The following PALM2AKAP2 variants were observed in gnomAD, a reference collection of about 807,000 sequenced individuals.
The protein encoded by PALM2AKAP2 is PALM2-AKAP2 fusion protein.
PALM2AKAP2 carries 37 observed loss-of-function variants against 71.5 expected under a neutral mutation model. The ratio of observed to expected loss-of-function variants is 0.52; its 90% CI spans 0.40 to 0.68. PALM2AKAP2 has a LOEUF of 0.68. PALM2AKAP2 is among the 30% of genes least tolerant of loss of function. The probability of loss-of-function intolerance (pLI) is 0.00; values close to 1 mark genes in which losing one functional copy is unlikely to be tolerated. For missense variants in PALM2AKAP2, 1,224 were observed against 1,191.8 expected (o/e 1.03, Z -0.40); for synonymous variants, 468 against 478.8 (o/e 0.98, Z 0.29).
intron 1 of PALM2AKAP2, among the ~76,000 whole-genome samples, chr9:109,740,810 C>T (rs1317970642): frequency 6.6e-6 from 1 of 152,152 alleles, no homozygotes; most frequent in Non-Finnish European, 1.5e-5. Flanking sequence ...TGTGCCACCA[C>T]ACCCAGCTAA....
intron 1 of PALM2AKAP2, among the ~76,000 whole-genome samples, chr9:109,844,989 G>A (rs776768916): frequency 2.0e-4 from 30 of 149,412 alleles, no homozygotes; most frequent in African/African-American, 4.7e-4. Flanking sequence ...ACGCACACAC[G>A]CTCTGGTAGG....
chr9:109,658,188 G>A (rs1352552930), intron 1 of PALM2AKAP2, among the ~76,000 whole-genome samples: 1 of 152,094 alleles, frequency 6.6e-6, no homozygotes, highest in Non-Finnish European at 1.5e-5. Context: ...GGCTGTATGA[G>A]TCTTGTGTTC....
chr9:109,759,584 A>G (rs1829019523), intron 1 of PALM2AKAP2, among the ~76,000 whole-genome samples: 1 of 152,064 alleles, frequency 6.6e-6, no homozygotes, highest in Non-Finnish European at 1.5e-5. Context: ...AAGCAAACAA[A>G]CAACAACAAC....
intron 1 of PALM2AKAP2, among the ~76,000 whole-genome samples, chr9:109,641,661 A>C (rs1248450407): frequency 6.6e-6 from 1 of 151,978 alleles, no homozygotes; most frequent in Non-Finnish European, 1.5e-5. Flanking sequence ...ACAGCCAGCC[A>C]CTCCAAGGAA....
chr9:110,109,033 A>G (rs1835178748), intron 1 of PALM2AKAP2, among the ~76,000 whole-genome samples: 1 of 151,870 alleles, frequency 6.6e-6, no homozygotes, highest in Non-Finnish European at 1.5e-5. Context: ...AACTTCAGAA[A>G]CCGGTCCGGC....
chr9:110,009,219 A>G (rs571280250), intron 6 of PALM2AKAP2, among the ~76,000 whole-genome samples: 1 of 151,928 alleles, frequency 6.6e-6, no homozygotes, highest in South Asian at 2.1e-4. Flanking sequence ...GTGTCCTTCC[A>G]TGCGTGCCAC....
chr9:110,043,813 T>C (rs1470220722), upstream of PALM2AKAP2, among the ~76,000 whole-genome samples: 1 of 143,842 alleles, frequency 7.0e-6, no homozygotes, highest in Non-Finnish European at 1.5e-5. Context: ...CTTGACCTCC[T>C]GGGTCCAAGC....
At chr9:109,655,924 A>G (rs1203301379) in intron 1 of PALM2AKAP2, among the ~76,000 whole-genome samples, 1 of 152,130 alleles carries the variant, frequency 6.6e-6, no homozygotes, top group African/African-American at 2.4e-5. Flanking sequence ...TTTGAGCTTT[A>G]TATTCTTTTG....
intron 1 of PALM2AKAP2, among the ~76,000 whole-genome samples, chr9:110,074,645 A>G (rs1834280133): frequency 1.3e-5 from 2 of 152,176 alleles, no homozygotes; most frequent in African/African-American, 4.8e-5. Context: ...AATTATAAAC[A>G]CACACACGCA....
At chr9:109,998,333 G>T (rs1832612615) in intron 6 of PALM2AKAP2, among the ~76,000 whole-genome samples, 1 of 152,100 alleles carries the variant, frequency 6.6e-6, no homozygotes, top group African/African-American at 2.4e-5. Flanking sequence ...AAACCCAAAA[G>T]GCCGGGCTCC....
chr9:110,049,668 A>G (rs981352047), intron 1 of PALM2AKAP2, among the ~76,000 whole-genome samples: 14 of 152,146 alleles, frequency 9.2e-5, no homozygotes, highest in African/African-American at 2.7e-4. Flanking sequence ...GGCAAGCCGT[A>G]CCTGTAATGT....
chr9:110,013,443 G>A (rs1832919924), intron 6 of PALM2AKAP2, among the ~76,000 whole-genome samples: 1 of 152,206 alleles, frequency 6.6e-6, no homozygotes, highest in African/African-American at 2.4e-5. Context: ...CTTAAAGCAG[G>A]AGGGGTTATT....
At chr9:109,766,108 G>A (rs1829148962) in intron 1 of PALM2AKAP2, among the ~76,000 whole-genome samples, 1 of 152,192 alleles carries the variant, frequency 6.6e-6, no homozygotes, top group Admixed American at 6.5e-5. Flanking sequence ...CTTCCCTACT[G>A]TCTGGGGAGT....
At chr9:109,931,613 C>T (rs1831103827) in intron 5 of PALM2AKAP2, among the ~76,000 whole-genome samples, 1 of 152,206 alleles carries the variant, frequency 6.6e-6, no homozygotes, top group South Asian at 2.1e-4. Flanking sequence ...TAATGGCTCC[C>T]ACAAGCCCAT....
At chr9:109,687,232 C>T (rs187119000) in intron 1 of PALM2AKAP2, among the ~76,000 whole-genome samples, 1 of 152,040 alleles carries the variant, frequency 6.6e-6, no homozygotes, top group Admixed American at 6.6e-5. Flanking sequence ...CTATATTAGC[C>T]CCCAAAAAGA....
intron 1 of PALM2AKAP2, among the ~76,000 whole-genome samples, chr9:109,709,131 A>G (rs1185687240): frequency 6.6e-6 from 1 of 152,210 alleles, no homozygotes; most frequent in East Asian, 1.9e-4. Flanking sequence ...GAATCCAAAC[A>G]GATCCTGGCC....
At chr9:109,746,801 A>G (rs959639274) in intron 1 of PALM2AKAP2, among the ~76,000 whole-genome samples, 17 of 152,218 alleles carry the variant, frequency 1.1e-4, no homozygotes, top group Non-Finnish European at 1.9e-4. Flanking sequence ...GGAGACTAAG[A>G]AACTTGCCCA....
At chr9:110,092,923 A>T (rs970559422) in intron 1 of PALM2AKAP2, among the ~76,000 whole-genome samples, 3 of 152,094 alleles carry the variant, frequency 2.0e-5, no homozygotes, top group African/African-American at 7.2e-5. Flanking sequence ...CCTGCTCCTT[A>T]TGACCCCCAG....
In PALM2AKAP2 at chr9:110,077,973, T is replaced by G. The variant is rs909928788; in HGVS notation, c.156+29118T>G. Among the ~76,000 whole-genome samples, 146 of 148,670 alleles carry G rather than the reference T, an allele frequency of 9.8e-4. 1 individual carries two copies. In the South Asian group the frequency reaches 0.013, roughly 13 times the overall value. On this transcript the variant is annotated intron_variant, in intron 1 of 3. Coordinates refer to ENST00000374525, the Ensembl canonical transcript of PALM2AKAP2. Reference sequence around the variant, plus strand: ...AGGTTTCAGTGAGCCGAGATCGCGCTACTGCACTCCAGCCTGGGTGACAGA... The same window carrying G: ...AGGTTTCAGTGAGCCGAGATCGCGCGACTGCACTCCAGCCTGGGTGACAGA...
Sources: gnomAD v4.1 joint callset for allele counts (sites outside exome capture counted in the v4.1 genomes callset) on GRCh38, gnomAD v4.1.1 for gene constraint, MANE v1.5 for transcripts, NCBI Gene and HGNC (gene_info 2026-07-23, HGNC 2026-07-21) for gene names.